Variants in GPHN observed in about 807,000 individuals in gnomAD.
The protein encoded by GPHN is gephyrin.
GPHN carries 17 observed loss-of-function variants against 95.5 expected under a neutral mutation model. The observed-to-expected ratio is 0.18, with a 90% CI of 0.12 to 0.27. The LOEUF (loss-of-function observed/expected upper bound fraction) is 0.27, where lower values mean the gene tolerates loss of function less well. GPHN is among the 10% of genes least tolerant of loss of function. The pLI, the probability that GPHN is intolerant of heterozygous loss-of-function variation, is 1.00. For missense variants in GPHN, 660 were observed against 978.1 expected (o/e 0.67, Z 4.34); for synonymous variants, 320 against 322.5 (o/e 0.99, Z 0.08).
intron 1 of GPHN, among the ~76,000 whole-genome samples, chr14:66,534,240 A>C (rs970578080): frequency 1.3e-5 from 2 of 152,180 alleles, no homozygotes; most frequent in African/African-American, 4.8e-5. Flanking sequence ...AAGATGTAGA[A>C]CATCTCCAGC....
chr14:67,596,748 A>C, the GPHN span, among the ~76,000 whole-genome samples: 2 of 152,140 alleles, frequency 1.3e-5, no homozygotes, highest in Admixed American at 1.3e-4. Flanking sequence ...GAATCCTGTC[A>C]AGTCAATTTA....
chr14:67,067,787 GC>G (rs1017372788), intron 11 of GPHN, among the ~76,000 whole-genome samples: 1 of 152,212 alleles, frequency 6.6e-6, no homozygotes, highest in African/African-American at 2.4e-5. Flanking sequence ...CTCCTGGTCT[GC>G]CAGTTGCTAA....
At chr14:66,781,361 C>T (rs2059599767) in intron 3 of GPHN, among the ~76,000 whole-genome samples, 1 of 152,044 alleles carries the variant, frequency 6.6e-6, no homozygotes, top group South Asian at 2.1e-4. Context: ...GGACTACAGG[C>T]ATGCGCCACC....
the GPHN span, among the ~76,000 whole-genome samples, chr14:67,726,319 G>A: frequency 1.3e-5 from 2 of 152,144 alleles, no homozygotes; most frequent in Non-Finnish European, 2.9e-5. Context: ...CTCCTGATCA[G>A]TCTAAAAAAG....
the GPHN span, among the ~76,000 whole-genome samples, chr14:67,597,205 T>A: frequency 1.1e-4 from 16 of 152,332 alleles, no homozygotes; most frequent in African/African-American, 3.8e-4. Context: ...GGGCCAGGCA[T>A]GGTGGCTCAT....
intron 2 of GPHN, among the ~76,000 whole-genome samples, chr14:66,683,395 T>C (rs1331975152): frequency 2.6e-5 from 3 of 115,000 alleles, no homozygotes; most frequent in African/African-American, 8.9e-5. Flanking sequence ...TATATATATG[T>C]TCATATATAT....
chr14:67,132,791 T>G (rs1462785155), intron 17 of GPHN, among the ~76,000 whole-genome samples: 1 of 151,870 alleles, frequency 6.6e-6, no homozygotes, highest in Non-Finnish European at 1.5e-5. Context: ...AAGCCTGTCC[T>G]AATTATCTCC....
At chr14:66,626,734 TA>T (rs2063543238) in intron 1 of GPHN, among the ~76,000 whole-genome samples, 1 of 152,084 alleles carries the variant, frequency 6.6e-6, no homozygotes, top group African/African-American at 2.4e-5. Flanking sequence ...TTTTTCAGGA[TA>T]TTTTTGTAGT....
At chr14:66,796,427 C>G (rs2060158712) in intron 3 of GPHN, among the ~76,000 whole-genome samples, 1 of 151,958 alleles carries the variant, frequency 6.6e-6, no homozygotes, top group African/African-American at 2.4e-5. Context: ...AAAGAAACCT[C>G]CAAACTATTC....
the GPHN span, among the ~76,000 whole-genome samples, chr14:67,474,545 T>C: frequency 0.47 from 71,901 of 152,050 alleles, 17,811 homozygotes; most frequent in African/African-American, 0.62. Context: ...TGTAAGTGAC[T>C]CATCACATTT....
chr14:67,330,748 G>A, the GPHN span, among the ~76,000 whole-genome samples: 4 of 111,674 alleles, frequency 3.6e-5, no homozygotes, highest in Non-Finnish European at 4.7e-5. Context: ...CTGAGCCCCC[G>A]GCACCCCGCT....
chr14:67,733,713 T>C, the GPHN span: 1 of 1,428,244 alleles, frequency 7.0e-7, no homozygotes, highest in Non-Finnish European at 9.9e-7. Flanking sequence ...TAATTCTCAT[T>C]CCTGGAATTT....
chr14:67,280,984 G>A, the GPHN span, among the ~76,000 whole-genome samples: 25 of 150,728 alleles, frequency 1.7e-4, no homozygotes, highest in Non-Finnish European at 3.2e-4. Flanking sequence ...AGCAATCTCC[G>A]CCTTCCCAGG....
At chr14:66,711,551 T>A (rs1180000809) in intron 2 of GPHN, among the ~76,000 whole-genome samples, 1 of 151,910 alleles carries the variant, frequency 6.6e-6, no homozygotes, top group East Asian at 1.9e-4. Flanking sequence ...TCTGGGTAGA[T>A]ACCCAGTAGT....
intron 5 of GPHN, among the ~76,000 whole-genome samples, chr14:66,911,839 A>T (rs1057432930): frequency 3.9e-5 from 6 of 152,034 alleles, no homozygotes; most frequent in African/African-American, 1.4e-4. Context: ...TTGGAATAAA[A>T]AGGTAACTAT....
intron 10 of GPHN, among the ~76,000 whole-genome samples, chr14:67,043,904 T>G (rs976915505): frequency 3.1e-4 from 47 of 152,324 alleles, no homozygotes; most frequent in African/African-American, 1.1e-3. Context: ...ATTTCAGAAC[T>G]TGTTAATGGT....
the GPHN span, among the ~76,000 whole-genome samples, chr14:67,213,078 G>A: frequency 6.7e-6 from 1 of 148,640 alleles, no homozygotes; most frequent in Non-Finnish European, 1.5e-5. Flanking sequence ...TGGGGATGGG[G>A]CATAGAATTC....
chr14:66,633,144 G>A (rs1357146030), intron 1 of GPHN, among the ~76,000 whole-genome samples: 2 of 151,874 alleles, frequency 1.3e-5, no homozygotes, highest in African/African-American at 4.8e-5. Context: ...TCATAGTTTT[G>A]TTTTATTTTC....
chr14:67,203,262 T>A, the GPHN span: 1 of 1,602,476 alleles, frequency 6.2e-7, no homozygotes, highest in Admixed American at 1.7e-5. Flanking sequence ...TCTCCTGACA[T>A]CTCCTCCTGC....
Sources: allele counts gnomAD v4.1 joint callset (sites outside exome capture counted in the v4.1 genomes callset), GRCh38; gene constraint gnomAD v4.1.1; transcripts MANE v1.5; gene names NCBI Gene and HGNC (gene_info 2026-07-23, HGNC 2026-07-21).